ADCY9: variants seen among roughly 807,000 people sequenced by gnomAD.
ADCY9 encodes adenylate cyclase 9.
Under a neutral mutation model 101.5 loss-of-function variants are expected in ADCY9, and 50 were observed. The ratio of observed to expected loss-of-function variants is 0.49; its 90% CI spans 0.39 to 0.62. The LOEUF is 0.62. Ranked by LOEUF, ADCY9 falls within the 20% of genes least tolerant of loss-of-function variation. The probability of loss-of-function intolerance (pLI) is 0.00; values close to 1 mark genes in which losing one functional copy is unlikely to be tolerated. For missense variants in ADCY9, 1,662 were observed against 1,800.4 expected, an observed-to-expected ratio of 0.92 and a Z score of 1.39; for synonymous variants, 905 against 769.3, an observed-to-expected ratio of 1.18 and a Z score of -2.92.
chr16:4,089,661 G>A (rs2056961130), intron 2 of ADCY9, among the ~76,000 whole-genome samples: 1 of 152,080 alleles, frequency 6.6e-6, no homozygotes, highest in Non-Finnish European at 1.5e-5. Flanking sequence ...ACTGTCTTCT[G>A]CAGCAAGTGA....
At chr16:3,997,362 C>A (rs902632941) in intron 3 of ADCY9, among the ~76,000 whole-genome samples, 1 of 152,236 alleles carries the variant, frequency 6.6e-6, no homozygotes, top group African/African-American at 2.4e-5. Context: ...GGCTGGAAGG[C>A]CGGTGCAGCC....
intron 2 of ADCY9, among the ~76,000 whole-genome samples, chr16:4,043,119 T>C (rs1325411236): frequency 6.6e-6 from 1 of 151,918 alleles, no homozygotes; most frequent in Non-Finnish European, 1.5e-5. Context: ...AAGTCCCAGC[T>C]ACTTGGGAGG....
intron 2 of ADCY9, among the ~76,000 whole-genome samples, chr16:4,085,955 T>C (rs2056935173): frequency 6.6e-6 from 1 of 151,496 alleles, no homozygotes; most frequent in Non-Finnish European, 1.5e-5. Flanking sequence ...TATTGCATAA[T>C]TATTAAAAAA....
intron 2 of ADCY9, among the ~76,000 whole-genome samples, chr16:4,097,526 T>C (rs1189860071): frequency 3.6e-5 from 3 of 82,556 alleles, no homozygotes; most frequent in East Asian, 3.4e-4. Flanking sequence ...AATACATATG[T>C]ACATATATAT....
chr16:3,998,578 GCA>G (rs1336327778), intron 3 of ADCY9, among the ~76,000 whole-genome samples: 1 of 151,256 alleles, frequency 6.6e-6, no homozygotes, highest in Non-Finnish European at 1.5e-5. Flanking sequence ...GCGTGGTGGT[GCA>G]CACCTGTAGT....
intron 2 of ADCY9, among the ~76,000 whole-genome samples, chr16:4,076,013 G>C (rs2056864899): frequency 1.3e-5 from 2 of 152,164 alleles, no homozygotes; most frequent in African/African-American, 4.8e-5. Context: ...AGGCACAAAA[G>C]CACAACGTGA....
At chr16:4,073,143 G>A (rs1225746795) in intron 2 of ADCY9, among the ~76,000 whole-genome samples, 1 of 151,996 alleles carries the variant, frequency 6.6e-6, no homozygotes, top group Admixed American at 6.6e-5. Flanking sequence ...TGCCCAGGCT[G>A]GAATGCAGTG....
intron 2 of ADCY9, among the ~76,000 whole-genome samples, chr16:4,087,059 C>T (rs986481060): frequency 3.9e-5 from 6 of 152,042 alleles, no homozygotes; most frequent in South Asian, 2.1e-4. Flanking sequence ...TCTGATACTG[C>T]GCCCTACATC....
At chr16:4,070,126 GT>G (rs1260347047) in intron 2 of ADCY9, among the ~76,000 whole-genome samples, 1 of 150,020 alleles carries the variant, frequency 6.7e-6, no homozygotes, top group East Asian at 1.9e-4. Flanking sequence ...GTGTATGTGT[GT>G]GTGTGTGTGT....
At chr16:4,080,488 C>T (rs958638017) in intron 2 of ADCY9, among the ~76,000 whole-genome samples, 2 of 152,042 alleles carry the variant, frequency 1.3e-5, no homozygotes, top group South Asian at 4.2e-4. Flanking sequence ...AACTCTTGGC[C>T]TCAAGAGTGA....
At chr16:3,977,810 G>A (rs2056106060) in intron 8 of ADCY9, among the ~76,000 whole-genome samples, 180 bp from the exon 9 acceptor site, 1 of 152,024 alleles carries the variant, frequency 6.6e-6, no homozygotes, top group Admixed American at 6.5e-5. Context: ...TCTGCCTTCC[G>A]GGTTCAAGTG....
rs146095963 is a variant in ADCY9, at chr16:4,082,622, A to C, written c.1693+31128T>G. Among the ~76,000 whole-genome samples, 92 of 150,820 alleles carry C rather than the reference A, an allele frequency of 6.1e-4. 2 individuals are homozygous for C. The East Asian group carries it at 0.013, about 21-fold the overall frequency. ...CACACCCATGCAAGCACGCACACAC[A>C]CATGCAGGCACACCCACGCATGCAC... On this transcript the variant is annotated intron_variant, in intron 2 of 10. Coordinates refer to ENST00000294016, the MANE Select transcript of ADCY9 (RefSeq NM_001116.4).
Position 3,966,810 on chromosome 16 carries a change from G to A in ADCY9, c.3027C>T (p.His1009=), listed in dbSNP as rs1187415809. 2.5e-5 allele frequency: 41 copies of A among 1,614,106 alleles called. No individual in the cohort carries two copies. Among genetic ancestry groups the A allele is most frequent in the Non-Finnish European group, 3.1e-5 (37 of 1,180,050 alleles). ...EFEVSYRLHY[H]GDVEADLHRT... is the part of the protein sequence containing the mutation. ...GGTGAAGATCCGCTTCCACGTCTCCGTGGTAGTGGAGGCGGTAGCTGACTT... is the reference window on the plus strand; with the variant it reads ...GGTGAAGATCCGCTTCCACGTCTCCATGGTAGTGGAGGCGGTAGCTGACTT... Residue 1009 remains histidine (H), a synonymous_variant, in exon 11 of 11, where the codon CAC becomes CAT. Transcript: ENST00000294016.
downstream of ADCY9, among the ~76,000 whole-genome samples, chr16:3,962,174 T>C (rs886571887): frequency 5.9e-5 from 9 of 152,364 alleles, no homozygotes; most frequent in Non-Finnish European, 1.0e-4. Flanking sequence ...TGTGTTTTTC[T>C]GGGAAGAGGC....
chr16:3,965,660 A>C lies in ADCY9; in HGVS notation c.*115T>G. On this transcript the variant is annotated 3_prime_UTR_variant, in exon 11 of 11. Coordinates refer to ENST00000294016, the MANE Select transcript of ADCY9 (RefSeq NM_001116.4). ...CACAGAAGTTAGGGCTGAAATGACC[A>C]CATAACACCACGTCCGGGGAGGGCA... The C allele has an allele frequency of 1.1e-6, 1 of 900,860 alleles. No individual in the cohort carries two copies. Among genetic ancestry groups the C allele is most frequent in the African/African-American group, 1.7e-5 (1 of 59,960 alleles). 55.8% of individuals were successfully genotyped at this position (900,860 alleles called of 1,614,324 possible).
In ADCY9 at chr16:3,955,193, A is replaced by G. The variant is rs138364307; in HGVS notation, c.568-1677T>C. 3.9e-5 allele frequency among the ~76,000 whole-genome samples: 6 copies of G among 152,274 alleles called. No individual in the cohort carries two copies. The East Asian group carries it at 1.2e-3, about 29-fold the overall frequency. On this transcript the variant is annotated intron_variant, in intron 5 of 5. Transcript: ENST00000576936. The stretch of plus-strand genomic sequence containing the variant: ...AAAAGGCATGCTTTTATCCAAAATT[A>G]CGTCAAAAATTGCCTCAAATGTCTC...
chr16:3,999,815 T>G (rs1023464292), intron 3 of ADCY9, among the ~76,000 whole-genome samples: 1 of 152,230 alleles, frequency 6.6e-6, no homozygotes, highest in Non-Finnish European at 1.5e-5. Flanking sequence ...CACATTTGCA[T>G]TTGTTTTTAA....
rs768712325 is a variant in ADCY9, at chr16:3,966,812, G to C, written c.3025C>G (p.His1009Asp). ...TGAAGATCCGCTTCCACGTCTCCGT[G>C]GTAGTGGAGGCGGTAGCTGACTTCA... ...EFEVSYRLHYHGDVEADLHRT... is the reference protein window; with the variant it reads ...EFEVSYRLHYDGDVEADLHRT... Residue 1009 changes from histidine to aspartate, a missense_variant, in exon 11 of 11, where the codon CAC becomes GAC. Physicochemically the swap from His to Asp is moderately conservative, Grantham distance 81. This residue lies in a region of ADCY9 where 624 missense variants were observed against 639.1 expected (regional missense o/e 0.98). Transcript: ENST00000294016. 3.1e-6 allele frequency: 5 copies of C among 1,614,216 alleles called. No homozygotes were observed. The East Asian group carries it at 1.1e-4, about 36-fold the overall frequency.
At chr16:4,055,432 G>A (rs757624751) in intron 2 of ADCY9, among the ~76,000 whole-genome samples, 1 of 152,082 alleles carries the variant, frequency 6.6e-6, no homozygotes, top group African/African-American at 2.4e-5. Context: ...TACTCGGGAG[G>A]CTGAGACAGG....
Sources: gnomAD v4.1 joint callset for allele counts (sites outside exome capture counted in the v4.1 genomes callset) on GRCh38, gnomAD v4.1.1 for gene constraint, gnomAD v4.1.1 regional missense constraint, MANE v1.5 for transcripts, NCBI Gene and HGNC (gene_info 2026-07-23, HGNC 2026-07-21) for gene names.